The following MCTP1 variants were observed in gnomAD, a reference collection of about 807,000 sequenced individuals.
MCTP1 encodes multiple C2 and transmembrane domain-containing protein 1.
A neutral mutation model predicts 120.6 loss-of-function variants in MCTP1; 69 were observed. The observed-to-expected ratio is 0.57, with a 90% CI of 0.47 to 0.70. The LOEUF (loss-of-function observed/expected upper bound fraction) is 0.70. Among genes scored for constraint, MCTP1 ranks in the 30% least tolerant of loss-of-function variants. The pLI is 0.00. For missense variants in MCTP1, 1,203 were observed against 1,248.8 expected (o/e 0.96, Z 0.55); for synonymous variants, 529 against 493.1 (o/e 1.07, Z -0.96).
At chr5:94,754,703 G>A (rs1278840088) in intron 19 of MCTP1, among the ~76,000 whole-genome samples, 1 of 152,066 alleles carries the variant, frequency 6.6e-6, no homozygotes, top group Non-Finnish European at 1.5e-5. Context: ...TATTATCCAG[G>A]CAGAAATTTC....
intron 1 of MCTP1, among the ~76,000 whole-genome samples, chr5:95,132,201 C>A (rs1759095354): frequency 6.6e-6 from 1 of 152,168 alleles, no homozygotes; most frequent in Non-Finnish European, 1.5e-5. Flanking sequence ...TTGAAGGGAG[C>A]CCCAGTAACA....
intron 17 of MCTP1, among the ~76,000 whole-genome samples, chr5:94,846,777 G>T (rs1430613686): frequency 1.3e-5 from 2 of 151,446 alleles, no homozygotes; most frequent in African/African-American, 4.9e-5. Context: ...TGTGTCTCTG[G>T]TATGTGTGTG....
intron 1 of MCTP1, among the ~76,000 whole-genome samples, chr5:95,246,874 A>G (rs1043195441): frequency 3.3e-5 from 5 of 152,324 alleles, no homozygotes; most frequent in Admixed American, 3.3e-4. Flanking sequence ...TGTCTCTACC[A>G]GGCTTTGGTA....
At chr5:94,708,369 T>C (rs1755421369) in intron 22 of MCTP1, 143 bp downstream of exon 22, 3 of 536,068 alleles carry the variant, frequency 5.6e-6, no homozygotes, top group Non-Finnish European at 9.9e-6. Context: ...GCTAAATTTC[T>C]GACTGGTAAA....
rs66803101 is a variant in MCTP1 at position 94,891,747 on chromosome 5, AAAATAAATAAATAAAT to A, written c.1840-2791_1840-2776del. On this transcript the variant is annotated intron_variant, in intron 11 of 22. Transcript: ENST00000515393. ...GACACATCGATTATAATAAGAAGTA[AAAATAAATAAATAAAT>A]AAATAAATAAATAAATAAATAAATA... is the stretch of plus-strand genomic sequence containing the variant. Among the ~76,000 whole-genome samples, 615 of 148,446 alleles carry A rather than the reference AAAATAAATAAATAAAT, an allele frequency of 4.1e-3. 7 individuals carry two copies. The highest frequency in any genetic ancestry group is 0.014 in the African/African-American group (568 of 40,406).
At chr5:94,843,171 C>T (rs868514580) in intron 17 of MCTP1, among the ~76,000 whole-genome samples, 11 of 151,644 alleles carry the variant, frequency 7.3e-5, no homozygotes, top group Middle Eastern at 3.4e-3. Flanking sequence ...ACATACAAAG[C>T]CCTCTACCAC....
At chr5:94,949,327 A>C (rs1330679959) in intron 3 of MCTP1, among the ~76,000 whole-genome samples, 1 of 152,106 alleles carries the variant, frequency 6.6e-6, no homozygotes, top group African/African-American at 2.4e-5. Context: ...CATCACTCTG[A>C]ATACAGGGCA....
chr5:94,791,623 C>A (rs1056551634), intron 18 of MCTP1, among the ~76,000 whole-genome samples: 4 of 151,918 alleles, frequency 2.6e-5, no homozygotes, highest in Non-Finnish European at 5.9e-5. Flanking sequence ...AGTAGGTGAG[C>A]TAAAATGCGT....
intron 1 of MCTP1, among the ~76,000 whole-genome samples, chr5:95,180,585 C>T (rs1413675266): frequency 1.3e-5 from 2 of 152,134 alleles, no homozygotes; most frequent in African/African-American, 2.4e-5. Flanking sequence ...TATCTCACGT[C>T]TACAGTTCGG....
intron 1 of MCTP1, among the ~76,000 whole-genome samples, chr5:95,223,682 A>C (rs1562253679): frequency 6.6e-6 from 1 of 152,176 alleles, no homozygotes; most frequent in Non-Finnish European, 1.5e-5. Context: ...TTATGGCAAT[A>C]ATAGAAAATC....
chr5:94,920,576 C>A (rs528004101), intron 7 of MCTP1, among the ~76,000 whole-genome samples: 2 of 151,870 alleles, frequency 1.3e-5, no homozygotes, highest in East Asian at 3.9e-4. Flanking sequence ...CCCGTCTCTA[C>A]TAACAATACA....
chr5:94,878,948 G>T (rs991911838), intron 12 of MCTP1, among the ~76,000 whole-genome samples: 1 of 151,928 alleles, frequency 6.6e-6, no homozygotes, highest in Admixed American at 6.6e-5. Context: ...AGAAGGTGAG[G>T]TCTGAGCAAA....
chr5:95,160,983 A>C (rs577694410), intron 1 of MCTP1, among the ~76,000 whole-genome samples: 7 of 152,308 alleles, frequency 4.6e-5, no homozygotes, highest in African/African-American at 1.7e-4. Flanking sequence ...ACTCTTGTGA[A>C]CTGTTGCTGG....
chr5:95,095,793 A>C (rs1486033500), intron 1 of MCTP1, among the ~76,000 whole-genome samples: 1 of 152,312 alleles, frequency 6.6e-6, no homozygotes, highest in East Asian at 1.9e-4. Context: ...ACTGAAGTAC[A>C]TGACTCAATT....
intron 1 of MCTP1, among the ~76,000 whole-genome samples, chr5:95,134,986 G>C (rs1245854273): frequency 1.2e-5 from 1 of 85,538 alleles, no homozygotes; most frequent in African/African-American, 4.8e-5. Flanking sequence ...ACTGTTGCCT[G>C]ATGGCCAAAA....
At chr5:95,283,808 A>C in intron 1 of MCTP1, 48 bp downstream of exon 1, 2 of 1,304,126 alleles carry the variant, frequency 1.5e-6, no homozygotes, top group Non-Finnish European at 1.9e-6. Flanking sequence ...CTGAAGAGGG[A>C]GGCGTGGTCC....
intron 7 of MCTP1, among the ~76,000 whole-genome samples, 161 bp downstream of exon 7, chr5:94,923,801 T>A (rs182146633): frequency 1.3e-3 from 203 of 152,272 alleles, no homozygotes; most frequent in African/African-American, 4.7e-3. Context: ...GAAATAAAAG[T>A]GAGTTACCTA....
At chr5:94,715,380 A>AC (rs1412601684) in intron 19 of MCTP1, among the ~76,000 whole-genome samples, 7 of 150,620 alleles carry the variant, frequency 4.6e-5, no homozygotes, top group African/African-American at 1.7e-4. Context: ...AAAAAAAAAA[A>AC]AAAAAAAAAC....
chr5:95,234,847 A>C (rs932445764), intron 1 of MCTP1, among the ~76,000 whole-genome samples: 1 of 152,186 alleles, frequency 6.6e-6, no homozygotes, highest in Admixed American at 6.5e-5. Flanking sequence ...TTTGCAAAAA[A>C]ACTGTCCCAC....
Sources: allele counts gnomAD v4.1 joint callset (sites outside exome capture counted in the v4.1 genomes callset), GRCh38; gene constraint gnomAD v4.1.1; transcripts MANE v1.5; gene names NCBI Gene and HGNC (gene_info 2026-07-23, HGNC 2026-07-21).